SRBD1: variants seen among roughly 807,000 people sequenced by gnomAD.
The protein encoded by SRBD1 is S1 RNA binding domain 1, also known as S1 RNA-binding domain-containing protein 1.
SRBD1 carries 88 observed loss-of-function variants against 115.3 expected under a neutral mutation model. That is an observed-to-expected ratio of 0.76 (90% CI 0.64 to 0.91). SRBD1 has a LOEUF of 0.91. Ranked by LOEUF, SRBD1 falls within the 40% of genes least tolerant of loss-of-function variation. The pLI, the probability that SRBD1 is intolerant of heterozygous loss-of-function variation, is 0.00. For synonymous variants in SRBD1, 509 were observed against 407.7 expected (o/e 1.25, Z -2.99); for missense variants, 1,385 against 1,177.4 (o/e 1.18, Z -2.58).
Position 45,389,293 on chromosome 2 carries a change from T to G in SRBD1, c.*17A>C. 18 of 1,604,198 alleles carry G rather than the reference T, an allele frequency of 1.1e-5. No homozygotes were observed. The highest frequency in any genetic ancestry group is 1.5e-5 in the Non-Finnish European group (18 of 1,173,586). On this transcript the variant is annotated 3_prime_UTR_variant, in exon 21 of 21. Coordinates refer to ENST00000263736, the MANE Select transcript of SRBD1 (RefSeq NM_018079.5). ...GAAATGAGAAAATAAAATCAGCGTC[T>G]GGCCTTCGTGGGATACTCATAACAC...
chr2:45,419,937 G>T, intron 16 of SRBD1, 43 bp from the exon 17 acceptor site: 1 of 1,531,672 alleles, frequency 6.5e-7, no homozygotes, highest in Non-Finnish European at 9.0e-7. Flanking sequence ...AGGAGATGTA[G>T]TTCTTGGACT....
intron 4 of SRBD1, among the ~76,000 whole-genome samples, chr2:45,594,611 C>A (rs1048770514): frequency 2.0e-5 from 3 of 152,144 alleles, no homozygotes; most frequent in Non-Finnish European, 4.4e-5. Flanking sequence ...TGGTGATCCC[C>A]AACCCCGGAT....
At chr2:45,473,167 C>T (rs2103808691) in intron 16 of SRBD1, among the ~76,000 whole-genome samples, 1 of 152,012 alleles carries the variant, frequency 6.6e-6, no homozygotes, top group East Asian at 1.9e-4. Context: ...AAACTTTTTA[C>T]ATTTTACTCT....
In SRBD1 at chr2:45,471,047, A is replaced by G. The variant is rs149158603; in HGVS notation, c.2049+5946T>C. ...ATGTTTGTCCATCTACTCATATCTT[A>G]AATCAAAATGAAAATAAGTATTAAG... On this transcript the variant is annotated intron_variant, in intron 16 of 20. Transcript: ENST00000263736. Among the ~76,000 whole-genome samples the G allele has an allele frequency of 2.0e-3, 310 of 152,294 alleles. 2 individuals are homozygous for G. Among genetic ancestry groups the G allele is most frequent in the African/African-American group, 7.3e-3 (303 of 41,566 alleles).
chr2:45,480,223 G>T (rs1485979643), intron 15 of SRBD1, among the ~76,000 whole-genome samples: 1 of 152,178 alleles, frequency 6.6e-6, no homozygotes, highest in African/African-American at 2.4e-5. Flanking sequence ...GTATCAAGGA[G>T]TAATTTTGAC....
intron 14 of SRBD1, among the ~76,000 whole-genome samples, chr2:45,516,296 G>C (rs190117855): frequency 5.9e-5 from 9 of 152,308 alleles, no homozygotes; most frequent in Non-Finnish European, 1.5e-5. Context: ...ATAAGCAGCA[G>C]CTGGAGCTGT....
At chr2:45,439,360 C>CATGT (rs1668592128) in intron 16 of SRBD1, among the ~76,000 whole-genome samples, 1 of 144,468 alleles carries the variant, frequency 6.9e-6, no homozygotes, top group Non-Finnish European at 1.5e-5. Flanking sequence ...TATTCTAGGA[C>CATGT]ATATATATAT....
intron 16 of SRBD1, among the ~76,000 whole-genome samples, chr2:45,436,372 A>G (rs1302429607): frequency 6.6e-6 from 1 of 152,222 alleles, no homozygotes; most frequent in East Asian, 1.9e-4. Flanking sequence ...GTCCCTTCTT[A>G]CCACCACTCA....
At chr2:45,492,196 T>C (rs1670316898) in intron 14 of SRBD1, among the ~76,000 whole-genome samples, 1 of 152,176 alleles carries the variant, frequency 6.6e-6, no homozygotes, top group South Asian at 2.1e-4. Context: ...TCAATATAAT[T>C]TGTTTTCTGT....
intron 14 of SRBD1, among the ~76,000 whole-genome samples, chr2:45,538,198 C>T (rs999390537): frequency 6.6e-6 from 1 of 152,132 alleles, no homozygotes; most frequent in African/African-American, 2.4e-5. Flanking sequence ...TCTCAGAAAA[C>T]AAAAATAGAA....
chr2:45,575,376 T>C (rs1243109870), intron 7 of SRBD1, among the ~76,000 whole-genome samples: 1 of 152,226 alleles, frequency 6.6e-6, no homozygotes, highest in Non-Finnish European at 1.5e-5. Flanking sequence ...ATGAATCTTG[T>C]AAATCAAGGT....
intron 16 of SRBD1, among the ~76,000 whole-genome samples, chr2:45,434,017 A>AG (rs1668415555): frequency 6.6e-6 from 1 of 152,202 alleles, no homozygotes; most frequent in African/African-American, 2.4e-5. Context: ...TGGTCATAAG[A>AG]GGGAAAAAAA....
chr2:45,409,876 C>G (rs1411172624), intron 19 of SRBD1, among the ~76,000 whole-genome samples: 2 of 151,926 alleles, frequency 1.3e-5, no homozygotes, highest in African/African-American at 4.8e-5. Context: ...TAAATGCTGA[C>G]ATAATAAGTT....
chr2:45,403,306 T>C lies in SRBD1; in HGVS notation c.2513+9808A>G, dbSNP rs187150210. ...CAACAATTTTGTTTATACAACTGCA[T>C]TGACCACAGCCAGTTTAGATTATAC... On this transcript the variant is annotated intron_variant, in intron 19 of 20. Transcript: ENST00000263736. Among the ~76,000 whole-genome samples, 308 of 150,292 alleles carry C rather than the reference T, an allele frequency of 2.0e-3. 1 individual carries two copies. The highest frequency in any genetic ancestry group is 0.01 in the Middle Eastern group (3 of 292).
rs534560263 is a variant in SRBD1 at position 45,389,290 on chromosome 2, G to A, written c.*20C>T. 2.9e-5 allele frequency: 47 copies of A among 1,603,754 alleles called. No homozygotes were observed. Among genetic ancestry groups the A allele is most frequent in the East Asian group, 2.7e-4 (12 of 44,680 alleles). On this transcript the variant is annotated 3_prime_UTR_variant, in exon 21 of 21. Coordinates refer to ENST00000263736, the MANE Select transcript of SRBD1 (RefSeq NM_018079.5). ...GTGGAAATGAGAAAATAAAATCAGC[G>A]TCTGGCCTTCGTGGGATACTCATAA...
chr2:45,523,660 T>C (rs1572732116), intron 14 of SRBD1, among the ~76,000 whole-genome samples: 2 of 151,386 alleles, frequency 1.3e-5, no homozygotes, highest in South Asian at 4.2e-4. Flanking sequence ...ACAATCTGAA[T>C]AGACCAATAA....
chr2:45,578,958 G>A (rs561288589), intron 7 of SRBD1, among the ~76,000 whole-genome samples: 26 of 152,150 alleles, frequency 1.7e-4, no homozygotes, highest in African/African-American at 6.0e-4. Flanking sequence ...ATTAATATAT[G>A]TATATCAAAA....
At chr2:45,492,180 C>T (rs1670316431) in intron 14 of SRBD1, among the ~76,000 whole-genome samples, 1 of 152,156 alleles carries the variant, frequency 6.6e-6, no homozygotes, top group South Asian at 2.1e-4. Flanking sequence ...AAAAGCTAAT[C>T]ATTAATCAAT....
intron 15 of SRBD1, 49 bp downstream of exon 15, chr2:45,488,191 C>A (rs1206483636): frequency 6.6e-7 from 1 of 1,524,166 alleles, no homozygotes; most frequent in Non-Finnish European, 9.1e-7. Flanking sequence ...ACACATGCTG[C>A]CCAAAATATC....
Sources: allele counts gnomAD v4.1 joint callset (sites outside exome capture counted in the v4.1 genomes callset), GRCh38; gene constraint gnomAD v4.1.1; transcripts MANE v1.5; gene names NCBI Gene and HGNC (gene_info 2026-07-23, HGNC 2026-07-21).